Variants in ACVR1C observed in about 807,000 individuals in gnomAD.
ACVR1C encodes the protein activin receptor type-1C.
ACVR1C carries 23 observed loss-of-function variants against 57.9 expected under a neutral mutation model. The observed-to-expected ratio is 0.40, with a 90% CI of 0.29 to 0.56. The LOEUF is 0.56. ACVR1C is among the 20% of genes least tolerant of loss of function. The pLI, the probability that ACVR1C is intolerant of heterozygous loss-of-function variation, is 0.50. For missense variants in ACVR1C, 480 were observed against 607.9 expected, an observed-to-expected ratio of 0.79 and a Z score of 2.21; for synonymous variants, 214 against 215.3, an observed-to-expected ratio of 0.99 and a Z score of 0.05.
intron 1 of ACVR1C, among the ~76,000 whole-genome samples, chr2:157,608,952 C>CT (rs924160779): frequency 5.3e-5 from 8 of 151,680 alleles, no homozygotes; most frequent in African/African-American, 1.4e-4. Flanking sequence ...GAATTTCTTC[C>CT]TTTTTTTGTT....
At chr2:157,543,630 G>A (rs1687671337) in intron 5 of ACVR1C, among the ~76,000 whole-genome samples, 1 of 152,240 alleles carries the variant, frequency 6.6e-6, no homozygotes, top group Non-Finnish European at 1.5e-5. Flanking sequence ...AATTTTAAGA[G>A]TGTAAAGAGA....
At chr2:157,538,460 G>T in intron 8 of ACVR1C, 113 bp downstream of exon 8, 1 of 1,018,710 alleles carries the variant, frequency 9.8e-7, no homozygotes, top group Non-Finnish European at 1.3e-6. Context: ...ATAAAAAGAC[G>T]TATGTCTACA....
intron 4 of ACVR1C, 114 bp downstream of exon 4, chr2:157,550,046 AAG>A: frequency 5.9e-6 from 5 of 849,992 alleles, no homozygotes; most frequent in Admixed American, 2.9e-5. Context: ...AAAAAAAAAA[AAG>A]AAGAGGTGAA....
chr2:157,550,447 C>T, intron 3 of ACVR1C, 55 bp from the exon 4 acceptor site: 1 of 1,481,404 alleles, frequency 6.8e-7, no homozygotes, highest in Non-Finnish European at 9.3e-7. Flanking sequence ...GAAAAGAACT[C>T]TCAATAATCA....
chr2:157,598,956 T>A (rs953734409), intron 1 of ACVR1C, among the ~76,000 whole-genome samples: 1 of 152,066 alleles, frequency 6.6e-6, no homozygotes, highest in Admixed American at 6.6e-5. Flanking sequence ...ACGGCCATAC[T>A]CCACATGGAA....
At chr2:157,574,768 C>A (rs1019926548) in intron 2 of ACVR1C, among the ~76,000 whole-genome samples, 3 of 152,166 alleles carry the variant, frequency 2.0e-5, no homozygotes, top group Non-Finnish European at 4.4e-5. Context: ...GGAAAGAGAT[C>A]TGAAGATGGG....
intron 1 of ACVR1C, among the ~76,000 whole-genome samples, chr2:157,619,254 G>A (rs913252967): frequency 1.3e-5 from 2 of 150,708 alleles, no homozygotes; most frequent in South Asian, 4.2e-4. Context: ...AAAAAGCTCT[G>A]AAAATTACTA....
intron 1 of ACVR1C, among the ~76,000 whole-genome samples, chr2:157,599,708 A>T (rs1278304381): frequency 2.0e-5 from 3 of 152,234 alleles, no homozygotes; most frequent in African/African-American, 7.2e-5. Context: ...AGAATACACC[A>T]TACACTTTAA....
chr2:157,532,563 T>C lies in ACVR1C; in HGVS notation c.*1355A>G, dbSNP rs141399963. ...TGTTTTAGGAGCATAAAAGACATCA[T>C]GTTAAATCTCGTTTACCAAAGTAAA... is the stretch of plus-strand genomic sequence containing the variant. On this transcript the variant is annotated 3_prime_UTR_variant, in exon 9 of 9. Transcript: ENST00000243349. 1.3e-5 allele frequency: 2 copies of C among 152,104 alleles called. No homozygotes were observed. The highest frequency in any genetic ancestry group is 4.8e-5 in the African/African-American group (2 of 41,430). 9.4% of individuals were successfully genotyped at this position (152,104 alleles called of 1,614,324 possible).
intron 1 of ACVR1C, among the ~76,000 whole-genome samples, chr2:157,626,282 T>C (rs192311747): frequency 1.2e-4 from 19 of 152,380 alleles, no homozygotes; most frequent in African/African-American, 4.6e-4. Flanking sequence ...CTGATTTTTT[T>C]AATTCCAGTC....
At chr2:157,605,400 T>G (rs1434760853) in intron 1 of ACVR1C, among the ~76,000 whole-genome samples, 1 of 151,774 alleles carries the variant, frequency 6.6e-6, no homozygotes, top group African/African-American at 2.4e-5. Flanking sequence ...AATTTTAGAA[T>G]CACCTTGGTG....
chr2:157,553,814 A>G (rs1687979036), intron 3 of ACVR1C, among the ~76,000 whole-genome samples: 1 of 152,160 alleles, frequency 6.6e-6, no homozygotes, highest in South Asian at 2.1e-4. Context: ...TATTCAAGAA[A>G]TCAGGGCACA....
intron 1 of ACVR1C, among the ~76,000 whole-genome samples, chr2:157,618,916 A>C: frequency 6.6e-6 from 1 of 151,868 alleles, no homozygotes; most frequent in East Asian, 1.9e-4. Flanking sequence ...TTAGAAAAAA[A>C]CAAAAAAAGG....
chr2:157,626,360 A>G (rs1419556604), intron 1 of ACVR1C, among the ~76,000 whole-genome samples: 4 of 152,222 alleles, frequency 2.6e-5, no homozygotes, highest in Non-Finnish European at 5.9e-5. Flanking sequence ...AAAAGGAGCA[A>G]TGGACACCCC....
At chr2:157,625,416 G>C (rs1682873690) in intron 1 of ACVR1C, among the ~76,000 whole-genome samples, 2 of 152,150 alleles carry the variant, frequency 1.3e-5, no homozygotes, top group African/African-American at 2.4e-5. Flanking sequence ...CTTGGAACCA[G>C]GGAGCCTCTT....
At chr2:157,547,777 A>G (rs1280413839) in intron 4 of ACVR1C, among the ~76,000 whole-genome samples, 3 of 150,806 alleles carry the variant, frequency 2.0e-5, no homozygotes, top group Non-Finnish European at 4.4e-5. Flanking sequence ...TTGCCTGTTC[A>G]CTCTGATGGT....
At chr2:157,546,993 G>A (rs1687774629) in intron 4 of ACVR1C, among the ~76,000 whole-genome samples, 1 of 117,992 alleles carries the variant, frequency 8.5e-6, no homozygotes, top group Non-Finnish European at 1.7e-5. Flanking sequence ...ACAGTCCCCA[G>A]AGTGTGATAT....
intron 1 of ACVR1C, among the ~76,000 whole-genome samples, chr2:157,593,855 A>C (rs1558990739): frequency 6.6e-6 from 1 of 152,190 alleles, no homozygotes; most frequent in Non-Finnish European, 1.5e-5. Context: ...ATAAATGCAA[A>C]CTTTTTTGGC....
intron 2 of ACVR1C, among the ~76,000 whole-genome samples, chr2:157,557,233 A>T (rs542498565): frequency 6.6e-6 from 1 of 152,048 alleles, no homozygotes; most frequent in East Asian, 1.9e-4. Flanking sequence ...AAGGACTGTG[A>T]ATTTTATTCT....
Sources: gnomAD v4.1 joint callset for allele counts (sites outside exome capture counted in the v4.1 genomes callset) on GRCh38, gnomAD v4.1.1 for gene constraint, MANE v1.5 for transcripts, NCBI Gene and HGNC (gene_info 2026-07-23, HGNC 2026-07-21) for gene names.